The following LCOR variants were observed in gnomAD, a reference collection of about 807,000 sequenced individuals.
The protein encoded by LCOR is ligand-dependent corepressor.
LCOR carries 14 observed loss-of-function variants against 64.4 expected under a neutral mutation model. The ratio of observed to expected loss-of-function variants is 0.22; its 90% CI spans 0.14 to 0.34. The LOEUF (loss-of-function observed/expected upper bound fraction) is 0.34. Ranked by LOEUF, LCOR falls within the 10% of genes least tolerant of loss-of-function variation. The probability of loss-of-function intolerance (pLI) is 1.00; values close to 1 mark genes in which losing one functional copy is unlikely to be tolerated. For missense variants in LCOR, 1,686 were observed against 1,765.3 expected, an observed-to-expected ratio of 0.96 and a Z score of 0.80; for synonymous variants, 643 against 642.5, an observed-to-expected ratio of 1.00 and a Z score of -0.01.
In LCOR at chr10:96,903,510, C is replaced by T. The variant is rs578007005; in HGVS notation, c.-329-3755C>T. On this transcript the variant is annotated intron_variant, in intron 2 of 7. Coordinates refer to ENST00000421806, the MANE Select transcript of LCOR (RefSeq NM_001346516.2). Reference sequence around the variant, plus strand: ...AAAATTGCTCATTTTCTGATATATTCCTGCATTTCCTTCAGCACCTCTCTG... The same window carrying T: ...AAAATTGCTCATTTTCTGATATATTTCTGCATTTCCTTCAGCACCTCTCTG... Among the ~76,000 whole-genome samples the T allele has an allele frequency of 4.0e-5, 6 of 151,826 alleles. No individual in the cohort carries two copies. In the East Asian group the frequency reaches 7.7e-4, roughly 20 times the overall value.
At chr10:96,908,780 A>C (rs1456620748) in intron 4 of LCOR, among the ~76,000 whole-genome samples, 1 of 150,852 alleles carries the variant, frequency 6.6e-6, no homozygotes, top group African/African-American at 2.4e-5. Context: ...CAGTGGCGCG[A>C]TCTCTGCTCA....
At chr10:96,923,398 G>A (rs1847114444) in intron 4 of LCOR, among the ~76,000 whole-genome samples, 1 of 152,176 alleles carries the variant, frequency 6.6e-6, no homozygotes, top group Admixed American at 6.5e-5. Context: ...AGTTTAGACA[G>A]GGGTGGCATT....
chr10:96,877,999 G>A (rs1405344038), intron 2 of LCOR, among the ~76,000 whole-genome samples: 1 of 152,140 alleles, frequency 6.6e-6, no homozygotes, highest in African/African-American at 2.4e-5. Context: ...ACAGTGGAAA[G>A]CTTTTCATTG....
rs542372953 is a variant in LCOR at position 96,952,613 on chromosome 10, G to A, written c.332+417G>A. Among the ~76,000 whole-genome samples, 4 of 152,086 alleles carry A rather than the reference G, an allele frequency of 2.6e-5. No homozygotes were observed. The South Asian group carries it at 8.3e-4, about 32-fold the overall frequency. On this transcript the variant is annotated intron_variant, in intron 7 of 7. Coordinates refer to ENST00000421806, the MANE Select transcript of LCOR (RefSeq NM_001346516.2). The stretch of plus-strand genomic sequence containing the variant: ...TTTTTGTTTGTTTCTTTTGGGTTTG[G>A]TTTTGGTGATGGAGAACTGTACTTT...
intron 2 of LCOR, among the ~76,000 whole-genome samples, chr10:96,891,029 G>T (rs2134432256): frequency 6.6e-6 from 1 of 152,150 alleles, no homozygotes; most frequent in South Asian, 2.1e-4. Context: ...TGCTATCAGG[G>T]TAATACTAGA....
At chr10:96,834,428 A>C (rs1041900325) in intron 2 of LCOR, among the ~76,000 whole-genome samples, 2 of 152,158 alleles carry the variant, frequency 1.3e-5, no homozygotes, top group South Asian at 2.1e-4. Context: ...ACTCTGCTCT[A>C]TCTCTGCTTG....
At chr10:96,969,478 ATG>A (rs1438229618) in intron 7 of LCOR, among the ~76,000 whole-genome samples, 1 of 146,166 alleles carries the variant, frequency 6.8e-6, no homozygotes, top group African/African-American at 2.4e-5. Flanking sequence ...AAAGTTAACT[ATG>A]TGCATTTCCA....
chr10:96,879,265 C>T (rs1846221038), intron 2 of LCOR, among the ~76,000 whole-genome samples: 1 of 152,176 alleles, frequency 6.6e-6, no homozygotes. Flanking sequence ...CCCAAGACCA[C>T]ACAGCTAGAA....
intron 2 of LCOR, among the ~76,000 whole-genome samples, chr10:96,839,114 A>G (rs1845495120): frequency 6.6e-6 from 1 of 152,234 alleles, no homozygotes. Flanking sequence ...GCATTTTCCT[A>G]ACAGTGTGTT....
At chr10:96,900,966 G>T (rs2049760889) in intron 2 of LCOR, among the ~76,000 whole-genome samples, 1 of 151,490 alleles carries the variant, frequency 6.6e-6, no homozygotes. Context: ...AAGGCGGGCG[G>T]ATCACGAGTT....
In LCOR at chr10:96,989,713, T is replaced by C. The variant is rs1225751106; in HGVS notation, c.*4579T>C. 7.8e-6 allele frequency: 1 copy of C among 127,718 alleles called. No individual in the cohort carries two copies. The highest frequency in any genetic ancestry group is 7.4e-5 in the Admixed American group (1 of 13,554). 7.9% of individuals were successfully genotyped at this position (127,718 alleles called of 1,614,324 possible). A position where few individuals can be genotyped will look rare whatever the true frequency, so the allele number is the denominator to read the frequency against. On this transcript the variant is annotated 3_prime_UTR_variant, in exon 8 of 8. Coordinates refer to ENST00000421806, the MANE Select transcript of LCOR (RefSeq NM_001346516.2). ...TATATATATTTTTTTTTTTTTTTTT[T>C]TTTTTTAATAGAGACGAGGTTACGC... is the stretch of plus-strand genomic sequence containing the variant.
chr10:96,851,233 C>A (rs906334192), intron 2 of LCOR, among the ~76,000 whole-genome samples: 3 of 152,226 alleles, frequency 2.0e-5, no homozygotes, highest in Admixed American at 6.5e-5. Context: ...CTGTTGTCAT[C>A]CTCCAGCTGA....
intron 1 of LCOR, 152 bp from the exon 2 acceptor site, chr10:96,833,254 C>G (rs912510572): frequency 2.1e-6 from 2 of 960,442 alleles, no homozygotes; most frequent in Admixed American, 6.1e-5. Context: ...CCGAATGCCC[C>G]GTCCGCCCCC....
chr10:96,906,573 T>A (rs949485631), intron 2 of LCOR, among the ~76,000 whole-genome samples: 1 of 152,344 alleles, frequency 6.6e-6, no homozygotes, highest in Admixed American at 6.5e-5. Flanking sequence ...AAGTTTTTGA[T>A]TTTTTCATTT....
At chr10:96,976,018 C>T (rs768363756) in intron 7 of LCOR, among the ~76,000 whole-genome samples, 2 of 151,992 alleles carry the variant, frequency 1.3e-5, no homozygotes, top group African/African-American at 4.8e-5. Flanking sequence ...ACACAAGACC[C>T]CGTGTAATTG....
At chr10:96,971,378 G>A (rs555144019) in intron 7 of LCOR, among the ~76,000 whole-genome samples, 8 of 152,202 alleles carry the variant, frequency 5.3e-5, no homozygotes, top group Non-Finnish European at 8.8e-5. Context: ...TAGTCCATTT[G>A]TGACTGACTT....
intron 4 of LCOR, among the ~76,000 whole-genome samples, chr10:96,918,234 C>G (rs1220926035): frequency 6.6e-6 from 1 of 151,984 alleles, no homozygotes; most frequent in Admixed American, 6.6e-5. Flanking sequence ...CTTCCTGGCC[C>G]CATACTCTAT....
intron 2 of LCOR, among the ~76,000 whole-genome samples, chr10:96,844,116 C>T (rs1845587634): frequency 1.0e-5 from 1 of 99,816 alleles, no homozygotes; most frequent in African/African-American, 5.0e-5. Flanking sequence ...TTCCTTCCCC[C>T]CTCCCTCCCT....
intron 2 of LCOR, among the ~76,000 whole-genome samples, chr10:96,905,682 T>C (rs1846715239): frequency 6.6e-6 from 1 of 152,146 alleles, no homozygotes; most frequent in Non-Finnish European, 1.5e-5. Context: ...TTAATTTTAG[T>C]AGGTAAATAA....
Sources: gnomAD v4.1 joint callset for allele counts (sites outside exome capture counted in the v4.1 genomes callset) on GRCh38, gnomAD v4.1.1 for gene constraint, MANE v1.5 for transcripts, NCBI Gene and HGNC (gene_info 2026-07-23, HGNC 2026-07-21) for gene names.